The following GALNTL6 variants were observed in gnomAD, a reference collection of about 807,000 sequenced individuals.
GALNTL6 encodes the protein polypeptide N-acetylgalactosaminyltransferase-like 6.
Under a neutral mutation model 73.7 loss-of-function variants are expected in GALNTL6, and 46 were observed. The ratio of observed to expected loss-of-function variants is 0.62; its 90% CI spans 0.49 to 0.80. GALNTL6 has a LOEUF of 0.80. Among genes scored for constraint, GALNTL6 ranks in the 30% least tolerant of loss-of-function variants. The pLI is 0.00. For synonymous variants in GALNTL6, 259 were observed against 263.7 expected (o/e 0.98, Z 0.17); for missense variants, 604 against 755.0 (o/e 0.80, Z 2.34).
At chr4:172,908,713 AC>A (rs1747035799) in intron 8 of GALNTL6, among the ~76,000 whole-genome samples, 1 of 151,776 alleles carries the variant, frequency 6.6e-6, no homozygotes, top group Non-Finnish European at 1.5e-5. Flanking sequence ...AAAGAAAAAA[AC>A]AATTTACAAC....
chr4:172,442,647 C>G (rs1430832432), intron 5 of GALNTL6, among the ~76,000 whole-genome samples: 2 of 152,102 alleles, frequency 1.3e-5, no homozygotes, highest in Non-Finnish European at 2.9e-5. Context: ...TCCGCTCATG[C>G]CTTGCTTACT....
intron 5 of GALNTL6, among the ~76,000 whole-genome samples, chr4:172,441,561 G>A (rs899802416): frequency 2.0e-5 from 3 of 152,014 alleles, no homozygotes; most frequent in Admixed American, 6.6e-5. Context: ...TTGCATTTTT[G>A]TGCTGTTTGC....
intron 5 of GALNTL6, among the ~76,000 whole-genome samples, chr4:172,638,607 A>G (rs1739809036): frequency 6.6e-6 from 1 of 152,258 alleles, no homozygotes; most frequent in Admixed American, 6.5e-5. Context: ...CACAGTTCCC[A>G]TGTCTTCTTC....
chr4:172,706,800 A>G (rs1007450784), intron 5 of GALNTL6, among the ~76,000 whole-genome samples: 2 of 152,148 alleles, frequency 1.3e-5, no homozygotes, highest in African/African-American at 4.8e-5. Context: ...ATATTCACAG[A>G]GCACACCTTT....
chr4:172,017,588 C>T (rs562761378), intron 2 of GALNTL6, among the ~76,000 whole-genome samples: 65 of 152,186 alleles, frequency 4.3e-4, no homozygotes, highest in East Asian at 1.6e-3. Flanking sequence ...CCGGTGCAGA[C>T]GTTCCCTACT....
intron 2 of GALNTL6, among the ~76,000 whole-genome samples, chr4:171,819,682 A>G (rs1734632247): frequency 6.6e-6 from 1 of 152,196 alleles, no homozygotes; most frequent in Non-Finnish European, 1.5e-5. Context: ...GCTGAGGGAC[A>G]TCAACAATAA....
At chr4:172,434,119 G>A (rs1731554531) in intron 5 of GALNTL6, among the ~76,000 whole-genome samples, 1 of 152,060 alleles carries the variant, frequency 6.6e-6, no homozygotes, top group Non-Finnish European at 1.5e-5. Flanking sequence ...ATATATTTTA[G>A]CAAATTTTCT....
intron 8 of GALNTL6, among the ~76,000 whole-genome samples, chr4:172,887,976 T>C (rs1408111657): frequency 6.6e-6 from 1 of 152,236 alleles, no homozygotes; most frequent in Non-Finnish European, 1.5e-5. Flanking sequence ...TATCAATATG[T>C]TTCTTGGCCA....
At chr4:172,698,789 C>A (rs1217444665) in intron 5 of GALNTL6, among the ~76,000 whole-genome samples, 1 of 152,128 alleles carries the variant, frequency 6.6e-6, no homozygotes, top group Non-Finnish European at 1.5e-5. Flanking sequence ...ATATATAGGA[C>A]AACTCACTCC....
intron 5 of GALNTL6, among the ~76,000 whole-genome samples, chr4:172,491,040 A>C (rs994738698): frequency 0.038 from 5 of 130 alleles, no homozygotes; most frequent in Non-Finnish European, 0.05. Context: ...AACAAAGACA[A>C]AAAAAAAACT....
At chr4:172,832,996 C>G (rs1742719229) in intron 7 of GALNTL6, among the ~76,000 whole-genome samples, 1 of 152,080 alleles carries the variant, frequency 6.6e-6, no homozygotes, top group South Asian at 2.1e-4. Flanking sequence ...ACTTCCACCC[C>G]CATGGCTCTG....
At chr4:172,578,349 G>A (rs181179781) in intron 5 of GALNTL6, among the ~76,000 whole-genome samples, 23 of 152,312 alleles carry the variant, frequency 1.5e-4, no homozygotes, top group Middle Eastern at 3.4e-3. Flanking sequence ...ATGAAATAAT[G>A]TGAGAGCACA....
chr4:172,148,835 C>T (rs1449283094), intron 2 of GALNTL6, among the ~76,000 whole-genome samples: 2 of 152,176 alleles, frequency 1.3e-5, no homozygotes, highest in Non-Finnish European at 2.9e-5. Context: ...CTGATTCTTT[C>T]TTATAATTTA....
At chr4:172,774,693 C>G (rs1738971776) in intron 5 of GALNTL6, among the ~76,000 whole-genome samples, 1 of 152,130 alleles carries the variant, frequency 6.6e-6, no homozygotes, top group African/African-American at 2.4e-5. Flanking sequence ...GGGCTTGTGG[C>G]TCACACCTGC....
intron 3 of GALNTL6, among the ~76,000 whole-genome samples, chr4:172,293,370 T>C (rs17288971): frequency 0.4 from 61,182 of 152,024 alleles, 14,867 homozygotes; most frequent in South Asian, 0.63. Context: ...TGGTCACTCA[T>C]GATGAAATTA....
chr4:172,405,508 A>G (rs1744209574), intron 5 of GALNTL6, among the ~76,000 whole-genome samples: 1 of 147,548 alleles, frequency 6.8e-6, no homozygotes, highest in Non-Finnish European at 1.5e-5. Context: ...AGCTCCTGCT[A>G]GACAAACAAA....
chr4:172,361,281 CTTA>C (rs1742359748), intron 5 of GALNTL6, among the ~76,000 whole-genome samples: 1 of 130,302 alleles, frequency 7.7e-6, no homozygotes, highest in South Asian at 2.9e-4. Context: ...AAGAATGTGT[CTTA>C]TTATTATTGA....
chr4:172,168,294 G>A (rs889979988), intron 2 of GALNTL6, among the ~76,000 whole-genome samples: 15 of 151,860 alleles, frequency 9.9e-5, no homozygotes, highest in Non-Finnish European at 2.1e-4. Flanking sequence ...GTTTTGTTTT[G>A]TTTTTTGAGA....
intron 2 of GALNTL6, among the ~76,000 whole-genome samples, chr4:172,086,574 C>T (rs1732040431): frequency 1.3e-5 from 2 of 152,080 alleles, no homozygotes; most frequent in African/African-American, 4.8e-5. Context: ...CACATGCACA[C>T]AGAGTTGAGA....
Sources: allele counts gnomAD v4.1 joint callset (sites outside exome capture counted in the v4.1 genomes callset), GRCh38; gene constraint gnomAD v4.1.1; transcripts MANE v1.5; gene names NCBI Gene and HGNC (gene_info 2026-07-23, HGNC 2026-07-21).